The following KPNA3 variants were observed in gnomAD, a reference collection of about 807,000 sequenced individuals.
KPNA3 encodes the protein importin subunit alpha-4.
Under a neutral mutation model 73.8 loss-of-function variants are expected in KPNA3, and 13 were observed. That is an observed-to-expected ratio of 0.18 (90% CI 0.11 to 0.28). The LOEUF (loss-of-function observed/expected upper bound fraction) is 0.28, where lower values mean the gene tolerates loss of function less well. KPNA3 is among the 10% of genes least tolerant of loss of function. KPNA3 has a pLI of 1.00. For synonymous variants in KPNA3, 186 were observed against 206.9 expected (o/e 0.90, Z 0.87); for missense variants, 360 against 618.1 (o/e 0.58, Z 4.43).
intron 1 of KPNA3, among the ~76,000 whole-genome samples, chr13:49,782,419 T>C (rs1028270275): frequency 6.6e-6 from 1 of 152,186 alleles, no homozygotes; most frequent in Admixed American, 6.5e-5. Context: ...TCTATACTCT[T>C]ATAGTACTTT....
chr13:49,754,467 G>A (rs1291292500), intron 1 of KPNA3, among the ~76,000 whole-genome samples: 5 of 151,832 alleles, frequency 3.3e-5, no homozygotes, highest in Admixed American at 3.3e-4. Context: ...CATTAAGAAA[G>A]AGAGAAAGTC....
chr13:49,715,449 T>TGAGATACTGTTTCTCACCTATCA (rs1954295808), intron 10 of KPNA3, among the ~76,000 whole-genome samples: 2 of 152,034 alleles, frequency 1.3e-5, no homozygotes, highest in Admixed American at 1.3e-4. Context: ...AAATTAAAAC[T>TGAGATACTGTTTCTCACCTATCA]GAGATACTGT....
intron 2 of KPNA3, among the ~76,000 whole-genome samples, chr13:49,744,974 T>A (rs1351469264): frequency 3.9e-5 from 6 of 152,072 alleles, no homozygotes; most frequent in East Asian, 3.9e-4. Context: ...TGCCCAATTT[T>A]AAAAAAAACC....
chr13:49,725,624 A>C, intron 6 of KPNA3, 123 bp from the exon 7 acceptor site: 1 of 543,466 alleles, frequency 1.8e-6, no homozygotes, highest in Non-Finnish European at 3.0e-6. Context: ...GTTATAATCC[A>C]ATTGCCTGCT....
intron 1 of KPNA3, among the ~76,000 whole-genome samples, chr13:49,780,847 A>G (rs1310936010): frequency 6.6e-6 from 1 of 151,452 alleles, no homozygotes; most frequent in Non-Finnish European, 1.5e-5. Context: ...CAGCCTCTGA[A>G]GCAGCTGGGA....
chr13:49,775,103 A>C (rs1954885597), intron 1 of KPNA3, among the ~76,000 whole-genome samples: 1 of 141,480 alleles, frequency 7.1e-6, no homozygotes, highest in Non-Finnish European at 1.5e-5. Context: ...CAGTGAGCGG[A>C]GATCATGCCA....
chr13:49,732,336 A>T (rs890837633), intron 6 of KPNA3, 35 bp downstream of exon 6: 1 of 1,141,512 alleles, frequency 8.8e-7, no homozygotes, highest in Non-Finnish European at 1.3e-6. Context: ...AAGTTAACTG[A>T]AAAAAACTGA....
intron 2 of KPNA3, among the ~76,000 whole-genome samples, chr13:49,741,390 G>A (rs1285890384): frequency 3.3e-5 from 5 of 151,152 alleles, no homozygotes; most frequent in African/African-American, 1.2e-4. Context: ...TAGTAATGTT[G>A]AACAATTTTT....
chr13:49,710,223 C>T (rs1051887362), intron 11 of KPNA3, among the ~76,000 whole-genome samples: 4 of 152,132 alleles, frequency 2.6e-5, no homozygotes, highest in Non-Finnish European at 5.9e-5. Flanking sequence ...GATCGCGCCA[C>T]CATACTCCAG....
chr13:49,732,247 T>G, intron 6 of KPNA3, 124 bp downstream of exon 6: 3 of 457,920 alleles, frequency 6.6e-6, no homozygotes, highest in Non-Finnish European at 4.0e-6. Context: ...AAAATTAAAT[T>G]AAAATATATG....
intron 10 of KPNA3, among the ~76,000 whole-genome samples, chr13:49,718,558 T>C (rs1241747249): frequency 6.6e-6 from 1 of 152,228 alleles, no homozygotes; most frequent in Non-Finnish European, 1.5e-5. Context: ...TTTTAATCTT[T>C]GCTGTCAGAA....
At chr13:49,702,620 A>C (rs1232898209) in intron 15 of KPNA3, 140 bp from the exon 16 acceptor site, 2 of 502,122 alleles carry the variant, frequency 4.0e-6, no homozygotes, top group African/African-American at 2.0e-5. Flanking sequence ...GTTTGTCTAA[A>C]AAACAGACAA....
intron 10 of KPNA3, among the ~76,000 whole-genome samples, chr13:49,712,195 A>G (rs1468838855): frequency 1.3e-5 from 2 of 152,204 alleles, no homozygotes; most frequent in African/African-American, 4.8e-5. Flanking sequence ...CATAACACCA[A>G]TATGTGTAGG....
At chr13:49,745,468 T>A (rs559982501) in intron 2 of KPNA3, among the ~76,000 whole-genome samples, 1 of 151,548 alleles carries the variant, frequency 6.6e-6, no homozygotes, top group African/African-American at 2.4e-5. Context: ...CAAGCAATTC[T>A]CCAGCCTCAG....
At chr13:49,762,270 C>T (rs1444539087) in intron 1 of KPNA3, among the ~76,000 whole-genome samples, 21 of 151,452 alleles carry the variant, frequency 1.4e-4, no homozygotes, top group South Asian at 4.2e-4. Context: ...GCCCGGCCAT[C>T]GCCCCGTCCG....
chr13:49,730,283 T>C (rs900546868), intron 6 of KPNA3, among the ~76,000 whole-genome samples: 4 of 151,990 alleles, frequency 2.6e-5, no homozygotes, highest in African/African-American at 9.7e-5. Flanking sequence ...CTGTAATGTC[T>C]GCACTTTGGG....
In KPNA3 at chr13:49,767,665, A is replaced by G. The variant is rs76445275; in HGVS notation, c.70-20672T>C. On this transcript the variant is annotated intron_variant, in intron 1 of 16. Transcript: ENST00000261667. ...ACAAGAGCTACACAATGGAAAGACCATAAGAGTGGCTCTGTCACTAACTAG... is the reference window on the plus strand; with the variant it reads ...ACAAGAGCTACACAATGGAAAGACCGTAAGAGTGGCTCTGTCACTAACTAG... 6.0e-3 allele frequency among the ~76,000 whole-genome samples: 912 copies of G among 152,254 alleles called. 34 individuals are homozygous for G. The East Asian group carries it at 0.092, about 15-fold the overall frequency.
chr13:49,770,688 G>A (rs1197987388), intron 1 of KPNA3, among the ~76,000 whole-genome samples: 2 of 151,570 alleles, frequency 1.3e-5, no homozygotes, highest in Admixed American at 6.6e-5. Flanking sequence ...TCAACTTTGA[G>A]TTGGTTTTTG....
At chr13:49,758,035 G>A (rs1954726357) in intron 1 of KPNA3, among the ~76,000 whole-genome samples, 1 of 152,076 alleles carries the variant, frequency 6.6e-6, no homozygotes, top group African/African-American at 2.4e-5. Context: ...TACATCAGAT[G>A]CTGAGGGGGA....
Sources: allele counts gnomAD v4.1 joint callset (sites outside exome capture counted in the v4.1 genomes callset), GRCh38; gene constraint gnomAD v4.1.1; transcripts MANE v1.5; gene names NCBI Gene and HGNC (gene_info 2026-07-23, HGNC 2026-07-21).